The following TFAP2D variants were observed in gnomAD, a reference collection of about 807,000 sequenced individuals.
TFAP2D encodes transcription factor AP-2 delta, also known as transcription factor AP-2-delta.
A neutral mutation model predicts 43.6 loss-of-function variants in TFAP2D; 9 were observed. That is an observed-to-expected ratio of 0.21 (90% CI 0.12 to 0.36). The LOEUF (loss-of-function observed/expected upper bound fraction) is 0.36. Ranked by LOEUF, TFAP2D falls within the 10% of genes least tolerant of loss-of-function variation. TFAP2D has a pLI of 1.00. For missense variants in TFAP2D, 513 were observed against 561.4 expected (o/e 0.91, Z 0.87); for synonymous variants, 256 against 224.9 (o/e 1.14, Z -1.24).
At chr6:50,754,995 G>A (rs1431679283) in intron 7 of TFAP2D, among the ~76,000 whole-genome samples, 1 of 151,672 alleles carries the variant, frequency 6.6e-6, no homozygotes, top group Admixed American at 6.6e-5. Context: ...TACCTTTGTT[G>A]CCTGTGCTTT....
intron 6 of TFAP2D, among the ~76,000 whole-genome samples, chr6:50,750,237 C>A (rs1002869860): frequency 6.6e-6 from 1 of 151,854 alleles, no homozygotes; most frequent in Non-Finnish European, 1.5e-5. Context: ...CTATACCTGT[C>A]TTTGTTTACA....
At chr6:50,771,665 A>G (rs1358757871) in intron 7 of TFAP2D, among the ~76,000 whole-genome samples, 4 of 152,178 alleles carry the variant, frequency 2.6e-5, no homozygotes, top group Admixed American at 6.5e-5. Flanking sequence ...CTTGGTAATA[A>G]TTAGTGCGTA....
At chr6:50,753,917 C>G (rs1048934013) in intron 7 of TFAP2D, among the ~76,000 whole-genome samples, 2 of 151,976 alleles carry the variant, frequency 1.3e-5, no homozygotes, top group South Asian at 2.1e-4. Flanking sequence ...TAGGATGATA[C>G]AAATCGCATA....
intron 2 of TFAP2D, among the ~76,000 whole-genome samples, chr6:50,716,034 C>G (rs1319757843): frequency 6.6e-6 from 1 of 152,058 alleles, no homozygotes; most frequent in Non-Finnish European, 1.5e-5. Flanking sequence ...ACCAATCGTA[C>G]CCTCAATCTC....
intron 6 of TFAP2D, among the ~76,000 whole-genome samples, chr6:50,747,637 G>T (rs1769143002): frequency 6.6e-6 from 1 of 152,028 alleles, no homozygotes; most frequent in Non-Finnish European, 1.5e-5. Context: ...TTTTCTTGGA[G>T]ATTCCCATCA....
At chr6:50,762,365 A>G (rs748435139) in intron 7 of TFAP2D, among the ~76,000 whole-genome samples, 2 of 152,022 alleles carry the variant, frequency 1.3e-5, no homozygotes, top group African/African-American at 2.4e-5. Flanking sequence ...TCTCTCTTTC[A>G]CACATATATG....
At chr6:50,770,121 G>A (rs1002228721) in intron 7 of TFAP2D, among the ~76,000 whole-genome samples, 2 of 152,150 alleles carry the variant, frequency 1.3e-5, no homozygotes, top group African/African-American at 4.8e-5. Context: ...ATTAATGGTT[G>A]GCTTTACCCA....
intron 4 of TFAP2D, 60 bp downstream of exon 4, chr6:50,729,081 C>A: frequency 6.2e-7 from 1 of 1,605,984 alleles, no homozygotes; most frequent in South Asian, 1.1e-5. Flanking sequence ...ACCCTCAACC[C>A]TTAGTCATGA....
intron 5 of TFAP2D, among the ~76,000 whole-genome samples, chr6:50,734,933 T>C (rs1472136978): frequency 6.6e-6 from 1 of 152,198 alleles, no homozygotes; most frequent in East Asian, 1.9e-4. Flanking sequence ...AAATAAAAAT[T>C]AGTACATGTA....
At chr6:50,735,292 A>G (rs944727130) in intron 5 of TFAP2D, among the ~76,000 whole-genome samples, 1 of 152,152 alleles carries the variant, frequency 6.6e-6, no homozygotes, top group African/African-American at 2.4e-5. Flanking sequence ...TTTGTGGCAT[A>G]TATCATGAAC....
chr6:50,719,478 AAAGAAAG>A (rs1187724181), intron 3 of TFAP2D, among the ~76,000 whole-genome samples: 5 of 137,416 alleles, frequency 3.6e-5, no homozygotes, highest in Non-Finnish European at 6.7e-5. Context: ...AGAAAGAAAG[AAAGAAAG>A]AAAGAAAGAA....
intron 7 of TFAP2D, among the ~76,000 whole-genome samples, chr6:50,758,484 T>A (rs975555421): frequency 1.3e-5 from 2 of 151,956 alleles, no homozygotes; most frequent in Admixed American, 6.6e-5. Flanking sequence ...TAAAGGCAGT[T>A]CTCATGTCTT....
intron 3 of TFAP2D, among the ~76,000 whole-genome samples, chr6:50,721,402 G>A (rs923385150): frequency 2.0e-5 from 3 of 152,156 alleles, no homozygotes; most frequent in Non-Finnish European, 1.5e-5. Context: ...GGAGAGGAGG[G>A]TGTGTGTCTA....
chr6:50,763,009 A>G (rs910609917), intron 7 of TFAP2D, among the ~76,000 whole-genome samples: 14 of 152,050 alleles, frequency 9.2e-5, no homozygotes, highest in Non-Finnish European at 7.4e-5. Flanking sequence ...GCTCTTTCCT[A>G]TGAATAGCCC....
intron 5 of TFAP2D, among the ~76,000 whole-genome samples, chr6:50,744,323 T>A (rs978290475): frequency 6.6e-6 from 1 of 152,142 alleles, no homozygotes; most frequent in Non-Finnish European, 1.5e-5. Flanking sequence ...CCTGTGGTAG[T>A]TTACTTAGGA....
intron 3 of TFAP2D, among the ~76,000 whole-genome samples, chr6:50,722,611 G>A (rs1363935240): frequency 6.6e-6 from 1 of 152,016 alleles, no homozygotes; most frequent in African/African-American, 2.4e-5. Flanking sequence ...TTAATAATAA[G>A]TGAACAATGT....
chr6:50,714,828 T>C (rs1053548105), intron 1 of TFAP2D, among the ~76,000 whole-genome samples: 1 of 151,936 alleles, frequency 6.6e-6, no homozygotes, highest in South Asian at 2.1e-4. Context: ...TGTGTGTGTG[T>C]CTGTGCGTGT....
At chr6:50,743,084 A>G (rs1473710106) in intron 5 of TFAP2D, among the ~76,000 whole-genome samples, 1 of 152,074 alleles carries the variant, frequency 6.6e-6, no homozygotes, top group African/African-American at 2.4e-5. Context: ...TCAGATTAAT[A>G]TAGAGATCCC....
Position 50,724,088 on chromosome 6 carries a change from CT to C in TFAP2D, c.599-4767del, listed in dbSNP as rs1768770544. 2.6e-5 allele frequency among the ~76,000 whole-genome samples: 4 copies of C among 151,892 alleles called. No individual in the cohort carries two copies. In the South Asian group the frequency reaches 8.4e-4, roughly 32 times the overall value. On this transcript the variant is annotated intron_variant, in intron 3 of 7. Coordinates refer to ENST00000008391, the MANE Select transcript of TFAP2D (RefSeq NM_172238.4). Reference sequence around the variant, plus strand: ...GCTGTTTGATTACAATTAATATCTGCTGCCGTGGGGGGAGAGGTAACATGGG... The same window carrying C: ...GCTGTTTGATTACAATTAATATCTGCGCCGTGGGGGGAGAGGTAACATGGG...
Sources: allele counts gnomAD v4.1 joint callset (sites outside exome capture counted in the v4.1 genomes callset), GRCh38; gene constraint gnomAD v4.1.1; transcripts MANE v1.5; gene names NCBI Gene and HGNC (gene_info 2026-07-23, HGNC 2026-07-21).